Variants in HMGXB3 observed in about 807,000 individuals in gnomAD.
HMGXB3 encodes HMG domain-containing protein 3.
In HMGXB3, 45 loss-of-function variants were observed where a neutral mutation model predicts 121.5. That is an observed-to-expected ratio of 0.37 (90% CI 0.29 to 0.47). HMGXB3 has a LOEUF of 0.47. Among genes scored for constraint, HMGXB3 ranks in the 20% least tolerant of loss-of-function variants. The probability of loss-of-function intolerance (pLI) is 0.99; values close to 1 mark genes in which losing one functional copy is unlikely to be tolerated. For synonymous variants in HMGXB3, 590 were observed against 624.1 expected, an observed-to-expected ratio of 0.95 and a Z score of 0.81; for missense variants, 1,376 against 1,602.2, an observed-to-expected ratio of 0.86 and a Z score of 2.41.
chr5:150,024,658 C>A lies in HMGXB3; in HGVS notation c.1438C>A (p.Pro480Thr), dbSNP rs1260630339. 6.5e-7 allele frequency: 1 copy of A among 1,547,106 alleles called. No individual in the cohort carries two copies. Among genetic ancestry groups the A allele is most frequent in the African/African-American group, 1.4e-5 (1 of 72,890 alleles). ...SEGTSTSSPL[P>T]APKKPTGADL... ...GGGGACAAGTACCTCCAGTCCACTC[C>A]CTGCTCCTAAAAAACCTACAGGGTA... Residue 480 changes from proline to threonine, a missense_variant, in exon 7 of 20, where the codon CCT becomes ACT. Around this residue, in one of 2 missense-constraint regions of HMGXB3, gnomAD observed 1,116 missense variants for 1,369.0 expected, o/e 0.82. Transcript: ENST00000502717.
At chr5:150,045,827 G>A (rs780714137) in intron 16 of HMGXB3, 142 bp downstream of exon 16, 92 of 666,956 alleles carry the variant, frequency 1.4e-4, no homozygotes, top group Non-Finnish European at 2.2e-4. Flanking sequence ...ATAACAGCCC[G>A]TGTCAAAATC....
chr5:150,044,046 C>A (rs1320090290), intron 15 of HMGXB3, among the ~76,000 whole-genome samples: 1 of 152,210 alleles, frequency 6.6e-6, no homozygotes, highest in East Asian at 1.9e-4. Context: ...AATCAAGGCT[C>A]CTCTGTCCCA....
At chr5:150,018,080 C>A (rs1379277075) in intron 5 of HMGXB3, among the ~76,000 whole-genome samples, 1 of 152,112 alleles carries the variant, frequency 6.6e-6, no homozygotes, top group Admixed American at 6.5e-5. Context: ...GAAGCAAATT[C>A]TTTGAAGTAT....
intron 9 of HMGXB3, 75 bp from the exon 10 acceptor site, chr5:150,030,666 A>C: frequency 1.8e-6 from 2 of 1,088,644 alleles, no homozygotes; most frequent in Non-Finnish European, 2.7e-6. Context: ...CATTCCCTCA[A>C]GTCGTTTCAG....
intron 12 of HMGXB3, among the ~76,000 whole-genome samples, 197 bp downstream of exon 12, chr5:150,037,134 A>C (rs1040666141): frequency 1.3e-5 from 2 of 152,196 alleles, no homozygotes; most frequent in African/African-American, 4.8e-5. Context: ...GAAAGTTATC[A>C]CCAGATTAGG....
intron 13 of HMGXB3, among the ~76,000 whole-genome samples, chr5:150,038,844 A>G (rs1267748744): frequency 2.0e-5 from 3 of 152,146 alleles, no homozygotes; most frequent in African/African-American, 7.2e-5. Flanking sequence ...GCTGTTCCCC[A>G]TGGGAGGATA....
At chr5:150,034,506 A>G (rs755768959) in intron 11 of HMGXB3, among the ~76,000 whole-genome samples, 2 of 152,110 alleles carry the variant, frequency 1.3e-5, no homozygotes, top group Non-Finnish European at 2.9e-5. Flanking sequence ...TGATGAAGGA[A>G]CTTAACTTCT....
intron 12 of HMGXB3, 137 bp downstream of exon 12, chr5:150,037,074 T>C: frequency 1.3e-6 from 1 of 799,770 alleles, no homozygotes; most frequent in Non-Finnish European, 2.0e-6. Context: ...ACTTTCTGAT[T>C]GCTGAAAGTA....
intron 15 of HMGXB3, among the ~76,000 whole-genome samples, chr5:150,042,529 G>A (rs969005202): frequency 4.0e-5 from 6 of 148,552 alleles, no homozygotes; most frequent in South Asian, 2.2e-4. Context: ...GGAACAGCTC[G>A]AACAGGGTCT....
Position 150,024,409 on chromosome 5 carries a change from G to A in HMGXB3, c.1189G>A (p.Val397Ile), listed in dbSNP as rs2113741285. 1.9e-6 allele frequency: 3 copies of A among 1,551,762 alleles called. No homozygotes were observed. The highest frequency in any genetic ancestry group is 2.4e-5 in the East Asian group (1 of 40,926). Residue 397 changes from valine to isoleucine, a missense_variant, in exon 7 of 20, where the codon GTA becomes ATA. This residue lies in a region of HMGXB3 where 1,116 missense variants were observed against 1,369.0 expected (regional missense o/e 0.82). Transcript: ENST00000502717. ...ACTGACTCTGGAGAATTCGGAAGCT[G>A]TAAGCCAGCTCCTGAACGTAGCTCC... ...SKLTLENSEA[V>I]SQLLNVAPPR...
At chr5:150,018,535 C>T in intron 5 of HMGXB3, 31 bp from the exon 6 acceptor site, 1 of 1,502,098 alleles carries the variant, frequency 6.7e-7, no homozygotes, top group Non-Finnish European at 8.9e-7. Context: ...AGAGGTTGTT[C>T]TATTGATTCT....
At chr5:150,045,349 T>G in intron 15 of HMGXB3, 117 bp from the exon 16 acceptor site, 5 of 831,788 alleles carry the variant, frequency 6.0e-6, no homozygotes, top group African/African-American at 3.4e-5. Flanking sequence ...TGCCTGGCTG[T>G]CTGACTTCCC....
At chr5:150,035,545 C>A (rs946096203) in intron 11 of HMGXB3, among the ~76,000 whole-genome samples, 2 of 152,138 alleles carry the variant, frequency 1.3e-5, no homozygotes, top group African/African-American at 4.8e-5. Flanking sequence ...ATATGTCCAT[C>A]ACATATGAAT....
Position 150,047,874 on chromosome 5 carries a change from GCAGT to G in HMGXB3, c.3084+121_3084+124del, listed in dbSNP as rs1008414356. 5.1e-6 allele frequency: 6 copies of G among 1,170,026 alleles called. No individual in the cohort carries two copies. In the African/African-American group the frequency reaches 7.7e-5, roughly 15 times the overall value. 72.5% of individuals were successfully genotyped at this position (1,170,026 alleles called of 1,614,324 possible). A position where few individuals can be genotyped will look rare whatever the true frequency, so the allele number is the denominator to read the frequency against. On this transcript the variant is annotated intron_variant, in intron 17 of 19. Coordinates refer to ENST00000502717, the MANE Select transcript of HMGXB3 (RefSeq NM_014983.3). ...CATCTGCCTTGGACACAAGGTGCTG[GCAGT>G]CAGGGATGCCTAGGAGATGGTCAAC... is the stretch of plus-strand genomic sequence containing the variant.
chr5:150,050,543 G>A (rs1561891562), intron 19 of HMGXB3, 82 bp downstream of exon 19: 2 of 1,100,712 alleles, frequency 1.8e-6, no homozygotes, highest in Non-Finnish European at 2.6e-6. Context: ...GTGCAGTGGT[G>A]TTATCTCGGC....
intron 1 of HMGXB3, among the ~76,000 whole-genome samples, chr5:150,002,434 T>C (rs1755594765): frequency 6.6e-6 from 1 of 152,234 alleles, no homozygotes; most frequent in Non-Finnish European, 1.5e-5. Flanking sequence ...GTGCTCATTA[T>C]ACCTTATTTG....
At chr5:150,023,459 T>G (rs1756149639) in intron 6 of HMGXB3, among the ~76,000 whole-genome samples, 1 of 152,212 alleles carries the variant, frequency 6.6e-6, no homozygotes. Context: ...TTTCCTAGTT[T>G]ACAGTGCCCT....
chr5:150,015,075 G>T, intron 5 of HMGXB3: 1 of 412,584 alleles, frequency 2.4e-6, no homozygotes, highest in South Asian at 3.2e-5. Context: ...AAAAGCCAAA[G>T]GGGGACAGAT....
At chr5:150,021,745 G>T in intron 6 of HMGXB3, 1 of 510,858 alleles carries the variant, frequency 2.0e-6, no homozygotes, top group Non-Finnish European at 3.9e-6. Context: ...GATTCTCAAA[G>T]TCTTGGTAGG....
Sources: gnomAD v4.1 joint callset for allele counts (sites outside exome capture counted in the v4.1 genomes callset) on GRCh38, gnomAD v4.1.1 for gene constraint, gnomAD v4.1.1 regional missense constraint, MANE v1.5 for transcripts, NCBI Gene and HGNC (gene_info 2026-07-23, HGNC 2026-07-21) for gene names.